The following MKLN1 variants were observed in gnomAD, a reference collection of about 807,000 sequenced individuals.
MKLN1 encodes muskelin 1.
Under a neutral mutation model 99.0 loss-of-function variants are expected in MKLN1, and 18 were observed. The observed-to-expected ratio is 0.18, with a 90% CI of 0.13 to 0.27. The LOEUF is 0.27. Ranked by LOEUF, MKLN1 falls within the 10% of genes least tolerant of loss-of-function variation. The pLI is 1.00. For missense variants in MKLN1, 621 were observed against 875.9 expected, an observed-to-expected ratio of 0.71 and a Z score of 3.67; for synonymous variants, 288 against 293.2, an observed-to-expected ratio of 0.98 and a Z score of 0.18.
intron 3 of MKLN1, among the ~76,000 whole-genome samples, chr7:131,292,932 G>A (rs10228918): frequency 0.17 from 25,859 of 152,134 alleles, 2,303 homozygotes; most frequent in East Asian, 0.24. Flanking sequence ...GGGACAACCC[G>A]ACATTGTATA....
Position 131,399,395 on chromosome 7 carries a change from T to C in MKLN1, c.665T>C (p.Phe222Ser). ...GACAAGCTGGTGTTGAAGGGTGATTTTGATGCTTGCGAAGAGTTGATTGAA... is the reference window on the plus strand; with the variant it reads ...GACAAGCTGGTGTTGAAGGGTGATTCTGATGCTTGCGAAGAGTTGATTGAA... ...IHDKLVLKGD[F>S]DACEELIEKA... The change falls in exon 6 of 18, where the codon TTT becomes TCT. Residue 222 changes from phenylalanine (F) to serine (S), a missense_variant. By Grantham distance (155) the Phe-to-Ser change is radical (BLOSUM62 -2). This residue lies in a region of MKLN1 where 361 missense variants were observed against 540.8 expected (regional missense o/e 0.67). Transcript: ENST00000352689. 2 of 1,614,044 alleles carry C rather than the reference T, an allele frequency of 1.2e-6. No homozygotes were observed. The highest frequency in any genetic ancestry group is 1.7e-4 in the Middle Eastern group (1 of 6,058).
intron 16 of MKLN1, among the ~76,000 whole-genome samples, chr7:131,475,598 G>A (rs1796942792): frequency 1.3e-5 from 2 of 152,164 alleles, no homozygotes; most frequent in Non-Finnish European, 2.9e-5. Context: ...GATCGCCTGA[G>A]CCCATGAGTT....
intron 1 of MKLN1, among the ~76,000 whole-genome samples, chr7:131,347,800 T>C (rs1799608930): frequency 6.6e-6 from 1 of 152,222 alleles, no homozygotes; most frequent in Non-Finnish European, 1.5e-5. Flanking sequence ...TTGTTTCAAG[T>C]GGATTAATAT....
intron 1 of MKLN1, among the ~76,000 whole-genome samples, chr7:131,370,066 G>C (rs560161215): frequency 6.6e-6 from 1 of 152,326 alleles, no homozygotes; most frequent in African/African-American, 2.4e-5. Context: ...TCAAACTCCT[G>C]ACCTCAGGTG....
chr7:131,285,893 C>G (rs368068062), intron 3 of MKLN1, among the ~76,000 whole-genome samples: 1 of 151,836 alleles, frequency 6.6e-6, no homozygotes, highest in Non-Finnish European at 1.5e-5. Flanking sequence ...CATCATATTG[C>G]GTGACAATTA....
chr7:131,259,003 C>G (rs1797695880), intron 3 of MKLN1, among the ~76,000 whole-genome samples: 1 of 152,124 alleles, frequency 6.6e-6, no homozygotes, highest in African/African-American at 2.4e-5. Context: ...GTGAGGGTAA[C>G]AGGGGAGCCA....
At chr7:131,151,773 A>G (rs1015760171) in intron 2 of MKLN1, among the ~76,000 whole-genome samples, 2 of 152,222 alleles carry the variant, frequency 1.3e-5, no homozygotes, top group Non-Finnish European at 2.9e-5. Context: ...AGATATCATC[A>G]TTAAAATTTT....
Position 131,224,850 on chromosome 7 carries a change from G to A in MKLN1, c.-179+21876G>A, listed in dbSNP as rs187164689. 2.4e-3 allele frequency among the ~76,000 whole-genome samples: 358 copies of A among 152,068 alleles called. 3 individuals are homozygous for A. Among genetic ancestry groups the A allele is most frequent in the African/African-American group, 7.9e-3 (329 of 41,498 alleles). On this transcript the variant is annotated intron_variant, in intron 3 of 7. Coordinates refer to the MKLN1 transcript ENST00000416992. Reference sequence around the variant, plus strand: ...GCACTTTGGGGGGCCGAGGTGGGCAGATCATGAGGTCAGGAAATCGAGACC... The same window carrying A: ...GCACTTTGGGGGGCCGAGGTGGGCAAATCATGAGGTCAGGAAATCGAGACC...
At chr7:131,123,590 C>A (rs772690710) in intron 1 of MKLN1, among the ~76,000 whole-genome samples, 1 of 152,136 alleles carries the variant, frequency 6.6e-6, no homozygotes, top group Non-Finnish European at 1.5e-5. Flanking sequence ...AAGTTCAAGA[C>A]CAACCTGGCC....
At chr7:131,223,063 A>G (rs1797085139) in intron 3 of MKLN1, among the ~76,000 whole-genome samples, 1 of 152,136 alleles carries the variant, frequency 6.6e-6, no homozygotes, top group Admixed American at 6.5e-5. Flanking sequence ...ATACAGTTTC[A>G]GCATATAACA....
At chr7:131,429,891 T>A (rs1467313261) in intron 9 of MKLN1, among the ~76,000 whole-genome samples, 2 of 152,256 alleles carry the variant, frequency 1.3e-5, no homozygotes, top group African/African-American at 2.4e-5. Context: ...ATACATATTA[T>A]CTTTAATAAA....
intron 1 of MKLN1, among the ~76,000 whole-genome samples, chr7:131,125,309 T>C (rs1795436385): frequency 6.6e-6 from 1 of 152,246 alleles, no homozygotes; most frequent in African/African-American, 2.4e-5. Context: ...TGCTTAATTC[T>C]AACCAGCTAA....
chr7:131,384,227 C>T (rs988046654), intron 2 of MKLN1, among the ~76,000 whole-genome samples: 1 of 110,446 alleles, frequency 9.1e-6, no homozygotes, highest in Non-Finnish European at 1.7e-5. Context: ...TCCCCCCACC[C>T]CCACCCCTAC....
chr7:131,118,881 T>C (rs948592329), intron 1 of MKLN1, among the ~76,000 whole-genome samples: 2 of 152,206 alleles, frequency 1.3e-5, no homozygotes, highest in Admixed American at 6.5e-5. Context: ...TGCCCTAACA[T>C]TGGGAATTAC....
chr7:131,208,358 C>T (rs1393731281), intron 3 of MKLN1, among the ~76,000 whole-genome samples: 1 of 152,148 alleles, frequency 6.6e-6, no homozygotes, highest in Non-Finnish European at 1.5e-5. Context: ...TTTTGGGAGG[C>T]TGAGGCTAGC....
At chr7:131,278,542 T>C (rs1188944624) in intron 3 of MKLN1, among the ~76,000 whole-genome samples, 1 of 152,172 alleles carries the variant, frequency 6.6e-6, no homozygotes, top group Non-Finnish European at 1.5e-5. Context: ...TCTGGAGCAT[T>C]TTAACTAGAG....
At chr7:131,262,319 A>C (rs1230924663) in intron 3 of MKLN1, among the ~76,000 whole-genome samples, 2 of 151,610 alleles carry the variant, frequency 1.3e-5, no homozygotes, top group East Asian at 3.9e-4. Context: ...CGACTGTAGT[A>C]CCAGCTACTT....
intron 9 of MKLN1, among the ~76,000 whole-genome samples, chr7:131,437,467 C>G (rs1242324009): frequency 6.6e-6 from 1 of 152,118 alleles, no homozygotes; most frequent in African/African-American, 2.4e-5. Flanking sequence ...GACTAAAATG[C>G]AGTGCAGTAT....
chr7:131,113,239 C>T (rs1394489844), intron 1 of MKLN1, among the ~76,000 whole-genome samples: 1 of 152,116 alleles, frequency 6.6e-6, no homozygotes, highest in Non-Finnish European at 1.5e-5. Context: ...GTAAGCCAGA[C>T]AAGTGGGCAG....
Sources: allele counts gnomAD v4.1 joint callset (sites outside exome capture counted in the v4.1 genomes callset), GRCh38; gene constraint gnomAD v4.1.1; regional missense constraint gnomAD v4.1.1; transcripts MANE v1.5; gene names NCBI Gene and HGNC (gene_info 2026-07-23, HGNC 2026-07-21).